YIPF1: variants seen among roughly 807,000 people sequenced by gnomAD.
The protein encoded by YIPF1 is protein YIPF1.
A neutral mutation model predicts 37.0 loss-of-function variants in YIPF1; 22 were observed. The observed-to-expected ratio is 0.59, with a 90% CI of 0.42 to 0.85. YIPF1 has a LOEUF of 0.85. Among genes scored for constraint, YIPF1 ranks in the 40% least tolerant of loss-of-function variants. The pLI, the probability that YIPF1 is intolerant of heterozygous loss-of-function variation, is 0.00. For synonymous variants in YIPF1, 128 were observed against 131.9 expected (o/e 0.97, Z 0.21); for missense variants, 355 against 373.1 (o/e 0.95, Z 0.40).
intron 6 of YIPF1, among the ~76,000 whole-genome samples, chr1:53,877,605 C>T (rs544072798): frequency 2.0e-5 from 3 of 152,210 alleles, no homozygotes; most frequent in East Asian, 1.9e-4. Flanking sequence ...CAACAATCCC[C>T]GGCCCAATCC....
intron 6 of YIPF1, among the ~76,000 whole-genome samples, chr1:53,876,280 G>A (rs768681260): frequency 2.0e-5 from 3 of 152,130 alleles, no homozygotes; most frequent in Non-Finnish European, 4.4e-5. Context: ...ATATGCATTG[G>A]AAGTATGTCC....
rs1398281627 is a variant in YIPF1 at position 53,866,323 on chromosome 1, G to A, written c.708C>T (p.Gly236=). Residue 236 remains glycine (G), a synonymous_variant, in exon 9 of 11, where the codon GGC becomes GGT. Transcript: ENST00000072644. ...TCATTGCCAAGAGAGATCCTGAGATGCCCAGGGCAATCATGACTAGAATCC... is the reference window on the plus strand; with the variant it reads ...TCATTGCCAAGAGAGATCCTGAGATACCCAGGGCAATCATGACTAGAATCC... ...VRWILVMIAL[G]ISGSLLAMTF... 1.1e-5 allele frequency: 17 copies of A among 1,614,194 alleles called. No homozygotes were observed. The East Asian group carries it at 3.8e-4, about 36-fold the overall frequency.
At chr1:53,881,410 A>G (rs1650497937) in intron 4 of YIPF1, among the ~76,000 whole-genome samples, 1 of 152,232 alleles carries the variant, frequency 6.6e-6, no homozygotes, top group Non-Finnish European at 1.5e-5. Context: ...AGCAAAAGAA[A>G]CTATCTTCAG....
chr1:53,857,564 G>C (rs1469676080), intron 10 of YIPF1, among the ~76,000 whole-genome samples: 1 of 152,188 alleles, frequency 6.6e-6, no homozygotes, highest in Non-Finnish European at 1.5e-5. Flanking sequence ...ATGAGTCCCA[G>C]CTCTGCCTCT....
chr1:53,861,985 G>A (rs1557602502), intron 9 of YIPF1, among the ~76,000 whole-genome samples: 1 of 152,228 alleles, frequency 6.6e-6, no homozygotes, highest in African/African-American at 2.4e-5. Context: ...CTGCACTGCA[G>A]CCTGGGTGAC....
intron 3 of YIPF1, among the ~76,000 whole-genome samples, chr1:53,887,950 A>G (rs575653837): frequency 3.4e-4 from 52 of 152,344 alleles, no homozygotes; most frequent in African/African-American, 1.0e-3. Context: ...TAAGTGGGCC[A>G]GGCCTGGTGG....
At chr1:53,879,540 A>G (rs1650431385) in intron 4 of YIPF1, among the ~76,000 whole-genome samples, 1 of 152,068 alleles carries the variant, frequency 6.6e-6, no homozygotes, top group East Asian at 1.9e-4. Flanking sequence ...GAGAAGAGGC[A>G]CCTGAGGAGG....
chr1:53,877,578 A>G (rs1650365639), intron 6 of YIPF1, among the ~76,000 whole-genome samples: 1 of 152,106 alleles, frequency 6.6e-6, no homozygotes, highest in Admixed American at 6.5e-5. Context: ...CTCAGACAGC[A>G]TTAAGGTCAG....
intron 9 of YIPF1, among the ~76,000 whole-genome samples, chr1:53,861,382 C>T (rs1422419000): frequency 7.2e-5 from 11 of 152,254 alleles, no homozygotes; most frequent in Non-Finnish European, 1.3e-4. Flanking sequence ...AGCCTTTCTT[C>T]CAGGCTACTG....
chr1:53,862,482 T>C (rs1557602684), intron 9 of YIPF1, among the ~76,000 whole-genome samples: 1 of 152,290 alleles, frequency 6.6e-6, no homozygotes, highest in East Asian at 1.9e-4. Context: ...TCTCCAAACA[T>C]ACACCAAGGG....
rs1242875995 is a variant in YIPF1, at chr1:53,860,067, G to T, written c.918C>A (p.Ser306Arg). 6.2e-7 allele frequency: 1 copy of T among 1,614,056 alleles called. No individual in the cohort carries two copies. The highest frequency in any genetic ancestry group is 1.7e-5 in the Admixed American group (1 of 60,024). ...ATAGAATCTCTTACTTTCCTCATTA[G>T]CTGGACTTGGCTGCAGCAACTGTTT... is the stretch of plus-strand genomic sequence containing the variant. ...PNQTVAAAKS[S>R] Residue 306 changes from serine to arginine, a missense_variant, in exon 10 of 11, where the codon AGC becomes AGA. Transcript: ENST00000072644.
chr1:53,862,331 T>C (rs533731196), intron 9 of YIPF1, among the ~76,000 whole-genome samples: 2 of 152,258 alleles, frequency 1.3e-5, no homozygotes, highest in Non-Finnish European at 2.9e-5. Flanking sequence ...CTTCCTGCAA[T>C]TTGGCACCTA....
At chr1:53,885,540 G>A (rs1650623209) in intron 3 of YIPF1, among the ~76,000 whole-genome samples, 1 of 152,072 alleles carries the variant, frequency 6.6e-6, no homozygotes, top group South Asian at 2.1e-4. Flanking sequence ...GTATAACTGG[G>A]CTGGATGCAG....
intron 9 of YIPF1, among the ~76,000 whole-genome samples, chr1:53,861,643 A>G (rs1290843628): frequency 1.5e-5 from 2 of 132,636 alleles, no homozygotes; most frequent in African/African-American, 5.7e-5. Context: ...CAGGCAGGGA[A>G]GGAAGGAAGG....
chr1:53,882,150 A>T (rs949100077), intron 4 of YIPF1, among the ~76,000 whole-genome samples: 1 of 152,122 alleles, frequency 6.6e-6, no homozygotes, highest in African/African-American at 2.4e-5. Context: ...TATAAGTGGG[A>T]GCTGAATGGT....
chr1:53,852,152 G>A lies in YIPF1; in HGVS notation c.*127C>T, dbSNP rs1473352060. The A allele has an allele frequency of 6.6e-6, 1 of 152,142 alleles. No homozygotes were observed. The highest frequency in any genetic ancestry group is 1.5e-5 in the Non-Finnish European group (1 of 68,038). The allele number at this position is 152,142 out of a possible 1,614,324, so 9.4% of individuals were successfully genotyped here. On this transcript the variant is annotated 3_prime_UTR_variant, in exon 11 of 11. Coordinates refer to ENST00000072644, the MANE Select transcript of YIPF1 (RefSeq NM_018982.5). ...AAACGGGTGATTAGGCGCCAGTGTG[G>A]CACCATCCAGACACTGGGAATTTGT...
rs557543154 is a variant in YIPF1 at position 53,885,365 on chromosome 1, G to A, written c.32-2089C>T. Among the ~76,000 whole-genome samples, 63 of 152,294 alleles carry A rather than the reference G, an allele frequency of 4.1e-4. No individual in the cohort carries two copies. The East Asian group carries it at 5.6e-3, about 14-fold the overall frequency. On this transcript the variant is annotated intron_variant, in intron 3 of 10. Coordinates refer to ENST00000072644, the MANE Select transcript of YIPF1 (RefSeq NM_018982.5). The stretch of plus-strand genomic sequence containing the variant: ...TAGAAAAGTATAACTGAAGCTGGGC[G>A]TGGTGGCACACACAAACTGGTGGTC...
At chr1:53,880,255 T>C (rs1027502661) in intron 4 of YIPF1, among the ~76,000 whole-genome samples, 4 of 151,788 alleles carry the variant, frequency 2.6e-5, no homozygotes, top group Non-Finnish European at 4.4e-5. Context: ...AGTATTCCTA[T>C]ACACCGACAA....
chr1:53,878,784 G>A lies in YIPF1; in HGVS notation c.196-62C>T, dbSNP rs1650403976. On this transcript the variant is annotated intron_variant, in intron 4 of 10. Transcript: ENST00000072644. Reference sequence around the variant, plus strand: ...GCAATTTCTTAATTCCAGCTGCGTGGGGTGCAGGAGGGATCTGATCTAATG... The same window carrying A: ...GCAATTTCTTAATTCCAGCTGCGTGAGGTGCAGGAGGGATCTGATCTAATG... The A allele has an allele frequency of 4.1e-6, 6 of 1,467,058 alleles. No individual in the cohort carries two copies. In the South Asian group the frequency reaches 7.6e-5, roughly 19 times the overall value. 90.9% of individuals were successfully genotyped at this position (1,467,058 alleles called of 1,614,324 possible). A position where few individuals can be genotyped will look rare whatever the true frequency, so the allele number is the denominator to read the frequency against.
Sources: gnomAD v4.1 joint callset for allele counts (sites outside exome capture counted in the v4.1 genomes callset) on GRCh38, gnomAD v4.1.1 for gene constraint, MANE v1.5 for transcripts, NCBI Gene and HGNC (gene_info 2026-07-23, HGNC 2026-07-21) for gene names.